Variants in PITPNM2 observed in about 807,000 individuals in gnomAD.
PITPNM2 encodes phosphatidylinositol transfer protein membrane associated 2, also known as membrane-associated phosphatidylinositol transfer protein 2.
Under a neutral mutation model 132.2 loss-of-function variants are expected in PITPNM2, and 35 were observed. The observed-to-expected ratio is 0.26, with a 90% CI of 0.20 to 0.35. The LOEUF (loss-of-function observed/expected upper bound fraction) is 0.35. Among genes scored for constraint, PITPNM2 ranks in the 10% least tolerant of loss-of-function variants. PITPNM2 has a pLI of 1.00. For missense variants in PITPNM2, 1,332 were observed against 1,912.0 expected (o/e 0.70, Z 5.66); for synonymous variants, 738 against 799.2 (o/e 0.92, Z 1.29).
chr12:122,992,017 GAC>G lies in PITPNM2; in HGVS notation c.2404+480_2404+481del, dbSNP rs1315393371. On this transcript the variant is annotated intron_variant, in intron 16 of 25. Transcript: ENST00000320201. This position sits in a 1 kb window ranked among gnomAD's most constrained non-coding sequence, Gnocchi z 6.5. ...GGACCAGGACGTGACAAGACGCTGG[GAC>G]ACACGCTGGGGCAGGGGTCGGGCCA... 6.2e-6 allele frequency: 6 copies of G among 966,378 alleles called. No homozygotes were observed. In the East Asian group the frequency reaches 1.6e-4, roughly 26 times the overall value. The allele number at this position is 966,378 out of a possible 1,614,324, so 59.9% of individuals were successfully genotyped here.
At chr12:123,027,999 A>G (rs543176169) in intron 3 of PITPNM2, among the ~76,000 whole-genome samples, 1 of 152,258 alleles carries the variant, frequency 6.6e-6, no homozygotes, top group Non-Finnish European at 1.5e-5. Context: ...ATTCCCCTAA[A>G]CAGTGCTGCG....
rs2037907316 is a variant in PITPNM2 at position 122,985,834 on chromosome 12, A to G, written c.*193T>C. On this transcript the variant is annotated 3_prime_UTR_variant, in exon 26 of 26. Coordinates refer to ENST00000320201, the MANE Select transcript of PITPNM2 (RefSeq NM_020845.3). ...CTGGTGGTCCCTGCCAGCTTCCATGACAAGCCGGACCCGTCAGGCCCGAGG... is the reference window on the plus strand; with the variant it reads ...CTGGTGGTCCCTGCCAGCTTCCATGGCAAGCCGGACCCGTCAGGCCCGAGG... 2.0e-6 allele frequency: 1 copy of G among 490,438 alleles called. No homozygotes were observed. The allele number at this position is 490,438 out of a possible 1,614,324, so 30.4% of individuals were successfully genotyped here. A position where few individuals can be genotyped will look rare whatever the true frequency, so the allele number is the denominator to read the frequency against.
intron 18 of PITPNM2, among the ~76,000 whole-genome samples, chr12:122,989,505 C>T (rs2038092086): frequency 6.6e-6 from 1 of 152,140 alleles, no homozygotes; most frequent in African/African-American, 2.4e-5. Flanking sequence ...GCAGCAGGGC[C>T]TGGTTTACAG....
intron 2 of PITPNM2, among the ~76,000 whole-genome samples, chr12:123,070,547 C>G (rs1466544345): frequency 1.3e-5 from 2 of 152,190 alleles, no homozygotes; most frequent in Non-Finnish European, 2.9e-5. Flanking sequence ...GAACATGACA[C>G]ACGCTGAGTC....
chr12:123,013,984 C>T lies in PITPNM2; in HGVS notation c.137G>A (p.Arg46Gln), dbSNP rs1286044347. The T allele has an allele frequency of 8.1e-6, 13 of 1,614,124 alleles. No homozygotes were observed. The highest frequency in any genetic ancestry group is 2.7e-5 in the African/African-American group (2 of 74,932). Reference protein sequence around the residue: ...EGSGVEILENRPYTDGPGGSG... With the variant: ...EGSGVEILENQPYTDGPGGSG... ...GCCGCCTGGGCCATCTGTGTACGGCCGGTTCTCCAGGATCTCCACGCCGCT... is the reference window on the plus strand; with the variant it reads ...GCCGCCTGGGCCATCTGTGTACGGCTGGTTCTCCAGGATCTCCACGCCGCT... Residue 46 changes from arginine to glutamine, a missense_variant, in exon 4 of 26, where the codon CGG becomes CAG. Arg to Gln is a conservative substitution (Grantham distance 43, BLOSUM62 1). Coordinates refer to ENST00000320201, the MANE Select transcript of PITPNM2 (RefSeq NM_020845.3).
intron 3 of PITPNM2, among the ~76,000 whole-genome samples, chr12:123,029,215 C>T (rs1220571935): frequency 6.6e-6 from 1 of 152,204 alleles, no homozygotes; most frequent in Non-Finnish European, 1.5e-5. Context: ...ATCTGAGCTC[C>T]AACCCTGGCC....
chr12:123,000,381 C>T lies in PITPNM2; in HGVS notation c.1224+397G>A. The T allele has an allele frequency of 5.7e-6, 4 of 702,070 alleles. No homozygotes were observed. The highest frequency in any genetic ancestry group is 1.0e-5 in the Non-Finnish European group (4 of 384,784). 43.5% of individuals were successfully genotyped at this position (702,070 alleles called of 1,614,324 possible). On this transcript the variant is annotated intron_variant, in intron 10 of 25. Transcript: ENST00000320201. This position sits in a 1 kb window ranked among gnomAD's most constrained non-coding sequence, Gnocchi z 5.4. ...GCCATCTTGTCGGCCACGGCCACAT[C>T]ACTTCTGCCTAGACGACTGTCGCTT...
At chr12:123,079,784 C>T (rs954690890) in intron 2 of PITPNM2, among the ~76,000 whole-genome samples, 3 of 152,182 alleles carry the variant, frequency 2.0e-5, no homozygotes, top group Admixed American at 1.3e-4. Flanking sequence ...ATACATATAA[C>T]ACAAAATTTA....
Position 122,985,710 on chromosome 12 carries a change from G to A in PITPNM2, c.*317C>T. 1 of 282,988 alleles carries A rather than the reference G, an allele frequency of 3.5e-6. No homozygotes were observed. The allele number at this position is 282,988 out of a possible 1,614,324, so 17.5% of individuals were successfully genotyped here. A position where few individuals can be genotyped will look rare whatever the true frequency, so the allele number is the denominator to read the frequency against. ...GCAGGCTGCGCCTGGGCCCACACCTGGCACCAGGACACTTGGAGATCCACA... is the reference window on the plus strand; with the variant it reads ...GCAGGCTGCGCCTGGGCCCACACCTAGCACCAGGACACTTGGAGATCCACA... On this transcript the variant is annotated 3_prime_UTR_variant, in exon 26 of 26. Transcript: ENST00000320201.
chr12:123,004,226 G>A lies in PITPNM2; in HGVS notation c.1048+168C>T, dbSNP rs939092273. 4.6e-5 allele frequency among the ~76,000 whole-genome samples: 7 copies of A among 152,066 alleles called. No individual in the cohort carries two copies. Among genetic ancestry groups the A allele is most frequent in the Admixed American group, 3.9e-4 (6 of 15,272 alleles). ...GACCTCATCTCATCCTCTGTGCACT[G>A]CCCCAAACACCAGGCTGTCCACCTG... On this transcript the variant is annotated intron_variant, in intron 8 of 25. Coordinates refer to ENST00000320201, the MANE Select transcript of PITPNM2 (RefSeq NM_020845.3). This position sits in a 1 kb window ranked among gnomAD's most constrained non-coding sequence, Gnocchi z 4.9.
Position 123,095,572 on chromosome 12 carries a change from T to A in PITPNM2, c.-96+14813A>T, listed in dbSNP as rs1173726081. On this transcript the variant is annotated intron_variant, in intron 2 of 25. Coordinates refer to ENST00000320201, the MANE Select transcript of PITPNM2 (RefSeq NM_020845.3). The surrounding 1 kb of genome is among the most constrained non-coding windows in gnomAD (Gnocchi z 5.0). ...GACGAAGTGTCTTCCAATACACACA[T>A]CGGAGTGTGTCACTTCTCTGAGTAA... Among the ~76,000 whole-genome samples the A allele has an allele frequency of 1.3e-5, 2 of 151,716 alleles. No homozygotes were observed. The highest frequency in any genetic ancestry group is 4.8e-5 in the African/African-American group (2 of 41,330).
intron 2 of PITPNM2, among the ~76,000 whole-genome samples, chr12:123,042,526 T>G (rs7301274): frequency 0.012 from 1,886 of 152,242 alleles, 41 homozygotes; most frequent in African/African-American, 0.043. Flanking sequence ...TCAGCTGCAT[T>G]CTGGTTACTA....
At chr12:123,145,989 G>C (rs907402886) in intron 1 of PITPNM2, among the ~76,000 whole-genome samples, 3 of 152,242 alleles carry the variant, frequency 2.0e-5, no homozygotes, top group African/African-American at 7.2e-5. Context: ...AAAAGAATGA[G>C]ATCATGTCCT....
Position 123,106,216 on chromosome 12 carries a change from CTTG to C in PITPNM2, c.-96+4166_-96+4168del, listed in dbSNP as rs1041880104. 3.3e-5 allele frequency among the ~76,000 whole-genome samples: 5 copies of C among 152,160 alleles called. No individual in the cohort carries two copies. Among genetic ancestry groups the C allele is most frequent in the Non-Finnish European group, 7.3e-5 (5 of 68,028 alleles). The stretch of plus-strand genomic sequence containing the variant: ...CCAGAGGAATGCAGGCTTCTGCCAC[CTTG>C]TTGAAAGTAAAATACATTCTGGGCC... On this transcript the variant is annotated intron_variant, in intron 2 of 25. Coordinates refer to ENST00000320201, the MANE Select transcript of PITPNM2 (RefSeq NM_020845.3). The surrounding 1 kb of genome is among the most constrained non-coding windows in gnomAD (Gnocchi z 4.4).
At chr12:123,080,694 C>T (rs2041933529) in intron 2 of PITPNM2, among the ~76,000 whole-genome samples, 1 of 152,236 alleles carries the variant, frequency 6.6e-6, no homozygotes, top group Non-Finnish European at 1.5e-5. Context: ...ACCCCACACC[C>T]ATGCTTTGAG....
At chr12:123,129,731 G>A (rs2043221836) in intron 1 of PITPNM2, among the ~76,000 whole-genome samples, 1 of 151,970 alleles carries the variant, frequency 6.6e-6, no homozygotes, top group Non-Finnish European at 1.5e-5. Flanking sequence ...AGCATAATGA[G>A]TCCTGTGCTG....
chr12:123,098,530 T>C (rs2042468824), intron 2 of PITPNM2, among the ~76,000 whole-genome samples: 2 of 152,162 alleles, frequency 1.3e-5, no homozygotes, highest in Admixed American at 1.3e-4. Flanking sequence ...AGTAAGACTC[T>C]GTCTCTACAA....
At position 123,108,558 on chromosome 12, in the gene PITPNM2, G is replaced by A. The variant is rs1200037950; in HGVS notation, c.-96+1827C>T. On this transcript the variant is annotated intron_variant, in intron 2 of 25. Coordinates refer to ENST00000320201, the MANE Select transcript of PITPNM2 (RefSeq NM_020845.3). The surrounding 1 kb of genome is among the most constrained non-coding windows in gnomAD (Gnocchi z 4.4). ...AACCCGAGTGACCCCTGGAGAAGCT[G>A]CAAGTCAGGGCTGAGTGTTACTATG... 6.6e-6 allele frequency among the ~76,000 whole-genome samples: 1 copy of A among 152,182 alleles called. No individual in the cohort carries two copies. Among genetic ancestry groups the A allele is most frequent in the African/African-American group, 2.4e-5 (1 of 41,446 alleles).
At chr12:123,025,016 G>A (rs1426152243) in intron 3 of PITPNM2, among the ~76,000 whole-genome samples, 1 of 152,204 alleles carries the variant, frequency 6.6e-6, no homozygotes, top group Non-Finnish European at 1.5e-5. Context: ...CTGGCACTGT[G>A]AGAGAGACAT....
Sources: gnomAD v4.1 joint callset for allele counts (sites outside exome capture counted in the v4.1 genomes callset) on GRCh38, gnomAD v4.1.1 for gene constraint, Gnocchi (gnomAD v3.1) non-coding constraint, MANE v1.5 for transcripts, NCBI Gene and HGNC (gene_info 2026-07-23, HGNC 2026-07-21) for gene names.